OCA2: variants seen among roughly 807,000 people sequenced by gnomAD.
The protein encoded by OCA2 is OCA2 melanosomal transmembrane protein, also known as P protein.
In OCA2, 77 loss-of-function variants were observed where a neutral mutation model predicts 100.2. The observed-to-expected ratio is 0.77, with a 90% confidence interval of 0.64 to 0.93. The LOEUF (loss-of-function observed/expected upper bound fraction) is 0.93. OCA2 is among the 40% of genes least tolerant of loss of function. The pLI is 0.00. For missense variants in OCA2, 1,062 were observed against 1,089.1 expected (o/e 0.98, Z 0.35); for synonymous variants, 432 against 439.2 (o/e 0.98, Z 0.21).
chr15:27,753,750 A>AAAAGAAAG (rs575331641), downstream of OCA2, among the ~76,000 whole-genome samples: 2 of 151,950 alleles, frequency 1.3e-5, no homozygotes, highest in Non-Finnish European at 2.9e-5. Flanking sequence ...AAGAAAAAAG[A>AAAAGAAAG]AAAGAAAGAA....
intron 2 of OCA2, among the ~76,000 whole-genome samples, chr15:28,061,347 C>T (rs1465804724): frequency 2.0e-5 from 3 of 152,092 alleles, no homozygotes; most frequent in African/African-American, 7.2e-5. Flanking sequence ...AATTCACTGG[C>T]CATACACAAC....
intron 19 of OCA2, among the ~76,000 whole-genome samples, chr15:27,917,223 C>T (rs1227888631): frequency 6.6e-6 from 1 of 152,082 alleles, no homozygotes; most frequent in African/African-American, 2.4e-5. Context: ...TAGGCTATAG[C>T]ACTTTTTGAA....
At chr15:27,938,039 CAT>C (rs1485487393) in intron 18 of OCA2, among the ~76,000 whole-genome samples, 3 of 152,122 alleles carry the variant, frequency 2.0e-5, no homozygotes, top group Non-Finnish European at 4.4e-5. Context: ...GCATGTTATG[CAT>C]GAATAGACTG....
chr15:27,781,877 C>T (rs1260965493), intron 23 of OCA2, among the ~76,000 whole-genome samples: 1 of 152,184 alleles, frequency 6.6e-6, no homozygotes, highest in Non-Finnish European at 1.5e-5. Context: ...TCATTTTACA[C>T]ACAGGAGACT....
At chr15:28,014,347 C>A (rs1432248667) in intron 9 of OCA2, among the ~76,000 whole-genome samples, 1 of 152,210 alleles carries the variant, frequency 6.6e-6, no homozygotes, top group Non-Finnish European at 1.5e-5. Flanking sequence ...TCCCTCCGGG[C>A]ACACAGCCCC....
At chr15:27,935,819 T>C (rs953646482) in intron 18 of OCA2, among the ~76,000 whole-genome samples, 2 of 152,242 alleles carry the variant, frequency 1.3e-5, no homozygotes, top group Admixed American at 1.3e-4. Flanking sequence ...TTGTCATCTT[T>C]TATAAAAGAT....
At chr15:28,054,821 G>A (rs897613275) in intron 2 of OCA2, among the ~76,000 whole-genome samples, 4 of 152,148 alleles carry the variant, frequency 2.6e-5, no homozygotes, top group African/African-American at 9.7e-5. Context: ...CACATGGCTG[G>A]GAAGGCCTCA....
intron 2 of OCA2, among the ~76,000 whole-genome samples, chr15:28,070,297 T>C (rs1218939921): frequency 6.6e-5 from 9 of 137,256 alleles, no homozygotes; most frequent in African/African-American, 2.6e-4. Context: ...AGCCACCCCG[T>C]CCGGGAGGGA....
chr15:28,032,881 G>C (rs1396170356), intron 2 of OCA2, among the ~76,000 whole-genome samples: 1 of 151,744 alleles, frequency 6.6e-6, no homozygotes, highest in Non-Finnish European at 1.5e-5. Context: ...AAAATCACAA[G>C]CAGTTCACAT....
chr15:27,969,792 T>C (rs1371763264), intron 14 of OCA2, among the ~76,000 whole-genome samples: 1 of 152,076 alleles, frequency 6.6e-6, no homozygotes, highest in Non-Finnish European at 1.5e-5. Flanking sequence ...ACCAATATCA[T>C]TTTCTAGGAA....
intron 9 of OCA2, among the ~76,000 whole-genome samples, chr15:28,010,257 G>A (rs559852296): frequency 1.3e-5 from 2 of 152,236 alleles, no homozygotes; most frequent in African/African-American, 2.4e-5. Flanking sequence ...CTCATAAAGA[G>A]CACCTACAAA....
At chr15:27,967,159 C>T (rs2040598607) in intron 14 of OCA2, among the ~76,000 whole-genome samples, 2 of 151,944 alleles carry the variant, frequency 1.3e-5, no homozygotes. Flanking sequence ...AAACGGAAGA[C>T]GGGCCTTTCC....
At chr15:27,767,833 A>G (rs1404574956) in intron 23 of OCA2, among the ~76,000 whole-genome samples, 4 of 152,188 alleles carry the variant, frequency 2.6e-5, no homozygotes, top group African/African-American at 9.7e-5. Context: ...CCCCTTCCAC[A>G]CTGTGGAAGC....
At chr15:28,017,219 G>A (rs1010136514) in intron 7 of OCA2, among the ~76,000 whole-genome samples, 7 of 152,286 alleles carry the variant, frequency 4.6e-5, no homozygotes, top group Admixed American at 2.6e-4. Context: ...TGCAAAGAGC[G>A]TATCTGGGGG....
chr15:27,943,477 T>C (rs2039721356), intron 18 of OCA2, among the ~76,000 whole-genome samples: 1 of 152,114 alleles, frequency 6.6e-6, no homozygotes, highest in South Asian at 2.1e-4. Flanking sequence ...AAAATCTATA[T>C]TCTGTAGAGA....
intron 18 of OCA2, among the ~76,000 whole-genome samples, chr15:27,928,872 T>C (rs907243270): frequency 6.6e-6 from 1 of 152,196 alleles, no homozygotes; most frequent in Admixed American, 6.5e-5. Flanking sequence ...AAAATCTCCC[T>C]TTATGGAGGT....
chr15:27,846,343 G>A (rs1475594042), intron 22 of OCA2, among the ~76,000 whole-genome samples: 3 of 152,082 alleles, frequency 2.0e-5, no homozygotes, highest in South Asian at 2.1e-4. Flanking sequence ...CAAAGAAGCC[G>A]ATGTTCCTCA....
At chr15:28,016,771 A>AC (rs1291287664) in intron 7 of OCA2, among the ~76,000 whole-genome samples, 3 of 152,048 alleles carry the variant, frequency 2.0e-5, no homozygotes, top group Non-Finnish European at 4.4e-5. Flanking sequence ...ACAGAGTGAG[A>AC]CCCCCGACTC....
chr15:28,016,027 T>A, intron 8 of OCA2, 77 bp downstream of exon 8: 1 of 1,121,042 alleles, frequency 8.9e-7, no homozygotes, highest in East Asian at 2.3e-5. Context: ...CCGAAATCAG[T>A]GTCCTATAGG....
Sources: allele counts gnomAD v4.1 joint callset (sites outside exome capture counted in the v4.1 genomes callset), GRCh38; gene constraint gnomAD v4.1.1; transcripts MANE v1.5; gene names NCBI Gene and HGNC (gene_info 2026-07-23, HGNC 2026-07-21).